DYNC1I1: variants seen among roughly 807,000 people sequenced by gnomAD.
DYNC1I1 encodes cytoplasmic dynein 1 intermediate chain 1.
Under a neutral mutation model 86.6 loss-of-function variants are expected in DYNC1I1, and 43 were observed. The observed-to-expected ratio is 0.50, with a 90% CI of 0.39 to 0.64. The LOEUF (loss-of-function observed/expected upper bound fraction) is 0.64. Ranked by LOEUF, DYNC1I1 falls within the 30% of genes least tolerant of loss-of-function variation. DYNC1I1 has a pLI of 0.00. For missense variants in DYNC1I1, 604 were observed against 788.8 expected, an observed-to-expected ratio of 0.77 and a Z score of 2.81; for synonymous variants, 262 against 283.7, an observed-to-expected ratio of 0.92 and a Z score of 0.77.
intron 1 of DYNC1I1, among the ~76,000 whole-genome samples, chr7:95,777,055 C>T (rs1422624386): frequency 6.6e-6 from 1 of 152,192 alleles, no homozygotes; most frequent in Non-Finnish European, 1.5e-5. Flanking sequence ...CTCATAGTTT[C>T]TCTGCCTGTG....
At chr7:95,870,137 T>C in intron 6 of DYNC1I1, 139 bp downstream of exon 6, 1 of 730,212 alleles carries the variant, frequency 1.4e-6, no homozygotes, top group Non-Finnish European at 2.1e-6. Flanking sequence ...CCAAAGCCTC[T>C]TCTGAGTTTG....
chr7:95,870,388 C>G (rs971578736), intron 6 of DYNC1I1, among the ~76,000 whole-genome samples: 4 of 264 alleles, frequency 0.015, no homozygotes, highest in African/African-American at 0.016. Context: ...CTATAGCCCA[C>G]CCACCTGTTC....
intron 13 of DYNC1I1, 65 bp from the exon 14 acceptor site, chr7:96,039,212 G>T: frequency 2.0e-6 from 3 of 1,537,566 alleles, no homozygotes; most frequent in Admixed American, 2.2e-5. Flanking sequence ...GTTTTGTTTT[G>T]TTTTTAAGCA....
At chr7:95,890,140 A>G (rs541440588) in intron 6 of DYNC1I1, among the ~76,000 whole-genome samples, 1 of 152,352 alleles carries the variant, frequency 6.6e-6, no homozygotes, top group Non-Finnish European at 1.5e-5. Context: ...GTGTATGTTC[A>G]TTGCAGCACT....
intron 5 of DYNC1I1, among the ~76,000 whole-genome samples, chr7:95,855,720 G>A (rs542816418): frequency 3.3e-5 from 5 of 152,168 alleles, no homozygotes; most frequent in Non-Finnish European, 7.4e-5. Flanking sequence ...ATAGGCAGTT[G>A]TAGAACAATG....
chr7:95,841,020 T>A lies in DYNC1I1; in HGVS notation c.374+12904T>A, dbSNP rs1034858599. Among the ~76,000 whole-genome samples, 50 of 152,360 alleles carry A rather than the reference T, an allele frequency of 3.3e-4. 1 individual carries two copies. The highest frequency in any genetic ancestry group is 1.2e-3 in the African/African-American group (50 of 41,582). ...TCTGCACTGAGCCAGGAAGAGGAACTGTGGCAAATGCCTGTAATGCTCACT... is the reference window on the plus strand; with the variant it reads ...TCTGCACTGAGCCAGGAAGAGGAACAGTGGCAAATGCCTGTAATGCTCACT... On this transcript the variant is annotated intron_variant, in intron 5 of 16. Transcript: ENST00000447467.
downstream of DYNC1I1, among the ~76,000 whole-genome samples, chr7:96,102,128 C>T (rs1213448079): frequency 6.6e-6 from 1 of 151,940 alleles, no homozygotes; most frequent in African/African-American, 2.4e-5. Flanking sequence ...TGGATGAATG[C>T]ATTCTTTTTC....
chr7:95,892,312 A>T (rs1367204922), intron 6 of DYNC1I1, among the ~76,000 whole-genome samples: 1 of 150,300 alleles, frequency 6.7e-6, no homozygotes, highest in Non-Finnish European at 1.5e-5. Flanking sequence ...ATGCCCAGCT[A>T]ATTTTTCTTC....
At chr7:95,878,124 A>C (rs960536653) in intron 6 of DYNC1I1, among the ~76,000 whole-genome samples, 8 of 152,160 alleles carry the variant, frequency 5.3e-5, no homozygotes, top group Non-Finnish European at 8.8e-5. Flanking sequence ...TGCTGCTACA[A>C]TATATTATCA....
At chr7:95,963,583 A>G (rs114287858) in intron 6 of DYNC1I1, among the ~76,000 whole-genome samples, 1 of 152,312 alleles carries the variant, frequency 6.6e-6, no homozygotes, top group African/African-American at 2.4e-5. Flanking sequence ...GAATAGGACA[A>G]TAGTGGTCAT....
At chr7:96,037,830 A>G (rs1036216672) in intron 13 of DYNC1I1, among the ~76,000 whole-genome samples, 19 of 152,204 alleles carry the variant, frequency 1.2e-4, no homozygotes, top group African/African-American at 4.1e-4. Context: ...GAAATATAAA[A>G]TACAGACCTT....
At chr7:95,892,468 G>A (rs145051196) in intron 6 of DYNC1I1, among the ~76,000 whole-genome samples, 23 of 152,226 alleles carry the variant, frequency 1.5e-4, no homozygotes, top group Admixed American at 9.2e-4. Context: ...CTGCCACCAC[G>A]CCCAGCTAAT....
At chr7:95,856,773 G>T (rs1789734984) in intron 5 of DYNC1I1, among the ~76,000 whole-genome samples, 1 of 152,140 alleles carries the variant, frequency 6.6e-6, no homozygotes, top group South Asian at 2.1e-4. Flanking sequence ...GAGGTCAGAA[G>T]TTCAAGACCA....
chr7:95,914,524 G>T (rs572974355), intron 6 of DYNC1I1, among the ~76,000 whole-genome samples: 1 of 152,300 alleles, frequency 6.6e-6, no homozygotes, highest in African/African-American at 2.4e-5. Flanking sequence ...GTCATAATAT[G>T]AAATAATGTT....
chr7:96,099,840 A>G (rs537752940), downstream of DYNC1I1, among the ~76,000 whole-genome samples: 4 of 152,176 alleles, frequency 2.6e-5, no homozygotes, highest in Non-Finnish European at 5.9e-5. Context: ...AAGAAGACAT[A>G]TATCCTCCAC....
Position 95,977,587 on chromosome 7 carries a change from A to G in DYNC1I1, c.566A>G (p.Gln189Arg). 6.2e-7 allele frequency: 1 copy of G among 1,612,990 alleles called. No homozygotes were observed. Among genetic ancestry groups the G allele is most frequent in the Non-Finnish European group, 8.5e-7 (1 of 1,179,572 alleles). Residue 189 changes from glutamine (Q) to arginine (R), a missense_variant, in exon 7 of 17, where the codon CAG (glutamine) becomes CGG (arginine). By Grantham distance (43) the Gln-to-Arg change is conservative. Transcript: ENST00000447467. ...DSELENQDKK[Q>R]EVKEAPPREL... is the part of the protein sequence containing the mutation. ...GAACTGGAAAATCAGGACAAAAAAC[A>G]GGAAGTGAAGGAAGGTATGATATGG...
At chr7:96,068,782 G>A (rs902763968) in intron 14 of DYNC1I1, among the ~76,000 whole-genome samples, 1 of 151,960 alleles carries the variant, frequency 6.6e-6, no homozygotes, top group African/African-American at 2.4e-5. Context: ...CTTTCTTTAA[G>A]AATTGTGTGT....
chr7:96,083,385 C>A (rs1250622285), intron 16 of DYNC1I1, among the ~76,000 whole-genome samples: 3 of 151,154 alleles, frequency 2.0e-5, no homozygotes, highest in African/African-American at 7.4e-5. Context: ...AAGACCTCGT[C>A]TGTAGAGGTA....
intron 9 of DYNC1I1, among the ~76,000 whole-genome samples, chr7:95,989,380 C>T (rs1247002506): frequency 6.6e-6 from 1 of 152,204 alleles, no homozygotes; most frequent in Non-Finnish European, 1.5e-5. Flanking sequence ...CAGGGTTTGC[C>T]CAACCACTTT....
Sources: gnomAD v4.1 joint callset for allele counts (sites outside exome capture counted in the v4.1 genomes callset) on GRCh38, gnomAD v4.1.1 for gene constraint, MANE v1.5 for transcripts, NCBI Gene and HGNC (gene_info 2026-07-23, HGNC 2026-07-21) for gene names.